Variants in NFATC3 observed in about 807,000 individuals in gnomAD.
The protein encoded by NFATC3 is nuclear factor of activated T-cells, cytoplasmic 3.
A neutral mutation model predicts 98.6 loss-of-function variants in NFATC3; 46 were observed. The ratio of observed to expected loss-of-function variants is 0.47; its 90% CI spans 0.37 to 0.60. The LOEUF is 0.60. Ranked by LOEUF, NFATC3 falls within the 20% of genes least tolerant of loss-of-function variation. The pLI is 0.00. For missense variants in NFATC3, 1,256 were observed against 1,295.5 expected, an observed-to-expected ratio of 0.97 and a Z score of 0.47; for synonymous variants, 512 against 472.2, an observed-to-expected ratio of 1.08 and a Z score of -1.09.
At chr16:68,145,206 C>G (rs771484883) in intron 3 of NFATC3, among the ~76,000 whole-genome samples, 2 of 150,786 alleles carry the variant, frequency 1.3e-5, no homozygotes, top group Non-Finnish European at 2.9e-5. Context: ...TGCAGTGATG[C>G]GATCTCAGCT....
chr16:68,141,504 T>A (rs975271217), intron 3 of NFATC3, among the ~76,000 whole-genome samples: 1 of 152,234 alleles, frequency 6.6e-6, no homozygotes, highest in East Asian at 1.9e-4. Flanking sequence ...TAACGGCCAT[T>A]CTGGCTGGAG....
chr16:68,157,943 T>G lies in NFATC3; in HGVS notation c.1476T>G (p.Pro492=), dbSNP rs554478579. The G allele has an allele frequency of 6.2e-7, 1 of 1,613,848 alleles. No homozygotes were observed. Among genetic ancestry groups the G allele is most frequent in the Non-Finnish European group, 8.5e-7 (1 of 1,179,934 alleles). The change falls in exon 4 of 10, where the codon CCT becomes CCG. Residue 492 remains proline, a synonymous_variant. Coordinates refer to ENST00000346183, the MANE Select transcript of NFATC3 (RefSeq NM_173165.3). ...CAGCAGATGATCGATATTTACGACC[T>G]CATGCATTTTACCAGGTGCATCGAA... is the stretch of plus-strand genomic sequence containing the variant. ...IGTADDRYLR[P]HAFYQVHRIT...
At chr16:68,184,691 C>G (rs1472738988) in intron 8 of NFATC3, among the ~76,000 whole-genome samples, 2 of 151,942 alleles carry the variant, frequency 1.3e-5, no homozygotes, top group Non-Finnish European at 2.9e-5. Context: ...GTAGTCCCAG[C>G]TACTCAGGAG....
At chr16:68,199,135 G>A (rs1326750709) in intron 9 of NFATC3, among the ~76,000 whole-genome samples, 1 of 152,116 alleles carries the variant, frequency 6.6e-6, no homozygotes. Context: ...AGGATTGCTT[G>A]AACCCAGGAG....
intron 6 of NFATC3, among the ~76,000 whole-genome samples, chr16:68,178,520 C>G (rs2039817463): frequency 6.6e-6 from 1 of 152,168 alleles, no homozygotes; most frequent in Non-Finnish European, 1.5e-5. Context: ...AGGTTGTGTG[C>G]TCTGATAGAG....
chr16:68,137,482 C>A (rs994577647), intron 3 of NFATC3, among the ~76,000 whole-genome samples: 1 of 152,144 alleles, frequency 6.6e-6, no homozygotes, highest in Non-Finnish European at 1.5e-5. Context: ...TACAGGTGAT[C>A]TGAGGTTATG....
intron 3 of NFATC3, among the ~76,000 whole-genome samples, chr16:68,151,532 C>T (rs1014276222): frequency 6.6e-6 from 1 of 152,074 alleles, no homozygotes; most frequent in Admixed American, 6.5e-5. Flanking sequence ...TAAACATTTT[C>T]CTTATACATG....
intron 9 of NFATC3, among the ~76,000 whole-genome samples, chr16:68,197,166 A>C (rs1311789655): frequency 6.6e-6 from 1 of 151,980 alleles, no homozygotes; most frequent in Admixed American, 6.6e-5. Context: ...CTGGTCTAGA[A>C]CTCATGGCCT....
chr16:68,136,489 G>A (rs2037418773), intron 3 of NFATC3, among the ~76,000 whole-genome samples: 1 of 152,048 alleles, frequency 6.6e-6, no homozygotes, highest in South Asian at 2.1e-4. Context: ...GGCTGGTTTC[G>A]AACCCCTAGG....
chr16:68,178,397 A>G (rs2039810972), intron 6 of NFATC3, among the ~76,000 whole-genome samples: 1 of 152,198 alleles, frequency 6.6e-6, no homozygotes, highest in Admixed American at 6.5e-5. Context: ...CTGTCTTCAA[A>G]AAACATCAGT....
intron 2 of NFATC3, among the ~76,000 whole-genome samples, chr16:68,124,883 C>T (rs549112165): frequency 3.3e-5 from 5 of 152,072 alleles, no homozygotes; most frequent in Admixed American, 1.3e-4. Context: ...CACCTGCCAC[C>T]ACGCCTGGCT....
intron 9 of NFATC3, among the ~76,000 whole-genome samples, chr16:68,204,623 A>G (rs1477682218): frequency 6.6e-6 from 1 of 152,212 alleles, no homozygotes; most frequent in African/African-American, 2.4e-5. Flanking sequence ...ATGTGTTTTT[A>G]GTGGCTTCTA....
chr16:68,162,924 C>A (rs112858299), intron 4 of NFATC3, among the ~76,000 whole-genome samples: 20 of 146,396 alleles, frequency 1.4e-4, no homozygotes, highest in African/African-American at 3.7e-4. Flanking sequence ...TGGGTACTTG[C>A]GATTAGGGAG....
At chr16:68,186,968 G>T (rs2040230104) in intron 8 of NFATC3, among the ~76,000 whole-genome samples, 1 of 152,228 alleles carries the variant, frequency 6.6e-6, no homozygotes, top group Admixed American at 6.5e-5. Flanking sequence ...TGGCACCTTT[G>T]CCCACAGCCC....
At chr16:68,156,894 G>A (rs544704851) in intron 3 of NFATC3, among the ~76,000 whole-genome samples, 2 of 152,186 alleles carry the variant, frequency 1.3e-5, no homozygotes, top group Admixed American at 6.5e-5. Context: ...AGCAGAGATC[G>A]TACCACTATA....
chr16:68,166,038 A>G (rs2039177014), intron 4 of NFATC3, among the ~76,000 whole-genome samples: 1 of 152,250 alleles, frequency 6.6e-6, no homozygotes, highest in Non-Finnish European at 1.5e-5. Context: ...TTCCTTAGAA[A>G]TTCAAGAATT....
At chr16:68,224,898 TTAGTA>T (rs1214056657) in intron 9 of NFATC3, 1 of 152,212 alleles carries the variant, frequency 6.6e-6, no homozygotes, top group Non-Finnish European at 1.5e-5. Context: ...TCAGTGGTTT[TTAGTA>T]TAGTCAGAGT....
At chr16:68,185,652 G>C (rs2040161298) in intron 8 of NFATC3, among the ~76,000 whole-genome samples, 1 of 152,034 alleles carries the variant, frequency 6.6e-6, no homozygotes, top group Non-Finnish European at 1.5e-5. Context: ...GAGGTGGGCG[G>C]ATCATGAGGT....
chr16:68,126,639 G>GA (rs1232990984), intron 3 of NFATC3, 29 bp downstream of exon 3: 1 of 1,611,152 alleles, frequency 6.2e-7, no homozygotes, highest in Non-Finnish European at 8.5e-7. Flanking sequence ...TTGTTTTGCA[G>GA]ATACCATACA....
Sources: gnomAD v4.1 joint callset for allele counts (sites outside exome capture counted in the v4.1 genomes callset) on GRCh38, gnomAD v4.1.1 for gene constraint, MANE v1.5 for transcripts, NCBI Gene and HGNC (gene_info 2026-07-23, HGNC 2026-07-21) for gene names.